The following CREBBP variants were observed in gnomAD, a reference collection of about 807,000 sequenced individuals.
The protein encoded by CREBBP is CREB binding lysine acetyltransferase, also known as CREB-binding protein.
CREBBP carries 19 observed loss-of-function variants against 265.0 expected under a neutral mutation model. The observed-to-expected ratio is 0.07, with a 90% confidence interval of 0.05 to 0.11. The LOEUF is 0.11. Among genes scored for constraint, CREBBP ranks in the 10% least tolerant of loss-of-function variants. CREBBP has a pLI of 1.00. For missense variants in CREBBP, 2,525 were observed against 3,219.0 expected (o/e 0.78, Z 5.22); for synonymous variants, 1,457 against 1,223.7 (o/e 1.19, Z -3.98).
At chr16:3,847,855 T>C (rs1236977297) in intron 2 of CREBBP, among the ~76,000 whole-genome samples, 3 of 152,130 alleles carry the variant, frequency 2.0e-5, no homozygotes, top group East Asian at 1.9e-4. Context: ...GAAATGTAGA[T>C]TTTGAGTAAA....
rs71133657 is a variant in CREBBP, at chr16:3,802,114, A to ATTTTTTTTTTTTTTTTTTTTTTT, written c.975+8466_975+8488dup. Among the ~76,000 whole-genome samples the ATTTTTTTTTTTTTTTTTTTTTTT allele has an allele frequency of 1.4e-4, 7 of 50,580 alleles. 2 individuals are homozygous for ATTTTTTTTTTTTTTTTTTTTTTT. Among genetic ancestry groups the ATTTTTTTTTTTTTTTTTTTTTTT allele is most frequent in the African/African-American group, 6.5e-4 (7 of 10,782 alleles). 33.2% of individuals were successfully genotyped at this position (50,580 alleles called of 152,430 possible). ...TTTATATTTACTCTGGTATTCCTTA[A>ATTTTTTTTTTTTTTTTTTTTTTT]TTTTTTTTTTTTTTTTTTTTTTTTT... On this transcript the variant is annotated intron_variant, in intron 3 of 30. Coordinates refer to ENST00000262367, the MANE Select transcript of CREBBP (RefSeq NM_004380.3).
chr16:3,767,681 A>C (rs1457778829), intron 16 of CREBBP, 39 bp downstream of exon 16: 1 of 1,614,020 alleles, frequency 6.2e-7, no homozygotes, highest in South Asian at 1.1e-5. Flanking sequence ...ACCGTGGAAA[A>C]GCAGCATGCT....
intron 2 of CREBBP, among the ~76,000 whole-genome samples, chr16:3,813,452 A>G (rs1276696493): frequency 3.3e-5 from 5 of 152,242 alleles, no homozygotes; most frequent in Non-Finnish European, 7.3e-5. Flanking sequence ...GCAGGAATTT[A>G]TATTTTCAGA....
chr16:3,828,642 T>TAA (rs1390107881), intron 2 of CREBBP, among the ~76,000 whole-genome samples: 5 of 152,238 alleles, frequency 3.3e-5, no homozygotes, highest in Non-Finnish European at 7.3e-5. Context: ...AAATAAGGTC[T>TAA]TATGTATTTC....
At chr16:3,737,911 T>C (rs1194434024) in intron 26 of CREBBP, among the ~76,000 whole-genome samples, 2 of 151,818 alleles carry the variant, frequency 1.3e-5, no homozygotes, top group East Asian at 3.9e-4. Flanking sequence ...CCTCAGCCTC[T>C]TGAGTAGCTG....
At chr16:3,742,087 C>CAA (rs1198404008) in intron 23 of CREBBP, 3 of 138,286 alleles carry the variant, frequency 2.2e-5, no homozygotes, top group Non-Finnish European at 4.6e-5. Flanking sequence ...TCTGCACAAA[C>CAA]AAAACAAAAC....
At chr16:3,798,151 T>C (rs2053643335) in intron 3 of CREBBP, among the ~76,000 whole-genome samples, 1 of 152,122 alleles carries the variant, frequency 6.6e-6, no homozygotes, top group Non-Finnish European at 1.5e-5. Flanking sequence ...GCAGGCAGCC[T>C]CCTCTCTACC....
chr16:3,735,416 C>T (rs947755886), intron 28 of CREBBP, among the ~76,000 whole-genome samples: 2 of 152,192 alleles, frequency 1.3e-5, no homozygotes, highest in African/African-American at 4.8e-5. Flanking sequence ...CCTGCCTCAA[C>T]CTCCCTCGTA....
chr16:3,878,674 C>A (rs1234958013), intron 1 of CREBBP, among the ~76,000 whole-genome samples: 1 of 152,104 alleles, frequency 6.6e-6, no homozygotes, highest in Non-Finnish European at 1.5e-5. Context: ...CTGAAGGCAG[C>A]GATGTAATTC....
intron 3 of CREBBP, among the ~76,000 whole-genome samples, chr16:3,809,326 C>T (rs759036850): frequency 6.6e-6 from 1 of 152,018 alleles, no homozygotes; most frequent in African/African-American, 2.4e-5. Flanking sequence ...TACAGGTGCC[C>T]GCCACCATGC....
chr16:3,849,453 GT>G lies in CREBBP; in HGVS notation c.798+843del, dbSNP rs546520306. On this transcript the variant is annotated intron_variant, in intron 2 of 30. Coordinates refer to ENST00000262367, the MANE Select transcript of CREBBP (RefSeq NM_004380.3). Reference sequence around the variant, plus strand: ...TGTGTGTGTGTGTGTGTGTGTGTGTGTGTGTGTGTGTGTGTGTGTGTGTGTG... The same window carrying G: ...TGTGTGTGTGTGTGTGTGTGTGTGTGGTGTGTGTGTGTGTGTGTGTGTGTG... Among the ~76,000 whole-genome samples the G allele has an allele frequency of 1.4e-3, 100 of 71,750 alleles. 5 individuals carry two copies. The highest frequency in any genetic ancestry group is 2.5e-3 in the Non-Finnish European group (74 of 29,140). 47.1% of individuals were successfully genotyped at this position (71,750 alleles called of 152,430 possible). A position where few individuals can be genotyped will look rare whatever the true frequency, so the allele number is the denominator to read the frequency against.
chr16:3,849,426 T>TGTGTG (rs1567360077), intron 2 of CREBBP, among the ~76,000 whole-genome samples: 13 of 7,768 alleles, frequency 1.7e-3, no homozygotes, highest in Non-Finnish European at 9.7e-3. Flanking sequence ...TGTGTGTGTG[T>TGTGTG]GTGTGTGTGT....
intron 1 of CREBBP, among the ~76,000 whole-genome samples, chr16:3,861,144 T>A (rs2055064542): frequency 1.3e-5 from 2 of 151,920 alleles, no homozygotes; most frequent in African/African-American, 4.8e-5. Flanking sequence ...TAGCTGGGCG[T>A]GGTGGCAGGT....
At chr16:3,757,702 T>C in intron 18 of CREBBP, 107 bp downstream of exon 18, 1 of 1,476,718 alleles carries the variant, frequency 6.8e-7, no homozygotes, top group South Asian at 1.2e-5. Context: ...GACAGCAGAT[T>C]GCACATATGC....
Position 3,731,085 on chromosome 16 carries a change from C to T in CREBBP, c.5172+107G>A. On this transcript the variant is annotated intron_variant, in intron 30 of 30. Transcript: ENST00000262367. The surrounding 1 kb of genome is among the most constrained non-coding windows in gnomAD (Gnocchi z 7.7). ...TGTCCTAGTTCTGGAGGAGTCAGTGCAGCCACCATCAGGTACAGACACCAA... is the reference window on the plus strand; with the variant it reads ...TGTCCTAGTTCTGGAGGAGTCAGTGTAGCCACCATCAGGTACAGACACCAA... The T allele has an allele frequency of 8.5e-7, 1 of 1,176,304 alleles. No individual in the cohort carries two copies. The highest frequency in any genetic ancestry group is 2.3e-5 in the East Asian group (1 of 42,632). The allele number at this position is 1,176,304 out of a possible 1,614,324, so 72.9% of individuals were successfully genotyped here.
intron 11 of CREBBP, 158 bp from the exon 12 acceptor site, chr16:3,774,851 A>G: frequency 1.0e-6 from 1 of 989,436 alleles, no homozygotes; most frequent in East Asian, 2.6e-5. Flanking sequence ...TGATGAAGGA[A>G]CAGACTTCTC....
At chr16:3,875,736 A>C (rs1449423987) in intron 1 of CREBBP, among the ~76,000 whole-genome samples, 1 of 152,204 alleles carries the variant, frequency 6.6e-6, no homozygotes, top group Non-Finnish European at 1.5e-5. Flanking sequence ...TTGACCCTGT[A>C]TCACCTCTCA....
intron 11 of CREBBP, among the ~76,000 whole-genome samples, chr16:3,775,191 G>T (rs1482376269): frequency 6.6e-6 from 1 of 152,100 alleles, no homozygotes; most frequent in Non-Finnish European, 1.5e-5. Flanking sequence ...CTCCTTGCTG[G>T]GTTTACATTC....
intron 2 of CREBBP, among the ~76,000 whole-genome samples, chr16:3,845,794 G>A (rs1223057220): frequency 2.0e-5 from 3 of 151,408 alleles, no homozygotes; most frequent in African/African-American, 7.3e-5. Flanking sequence ...GGCTGAGGCA[G>A]GCGGATCACC....
Sources: gnomAD v4.1 joint callset for allele counts (sites outside exome capture counted in the v4.1 genomes callset) on GRCh38, gnomAD v4.1.1 for gene constraint, Gnocchi (gnomAD v3.1) non-coding constraint, MANE v1.5 for transcripts, NCBI Gene and HGNC (gene_info 2026-07-23, HGNC 2026-07-21) for gene names.